LRRTM3: variants seen among roughly 807,000 people sequenced by gnomAD.
LRRTM3 encodes leucine-rich repeat transmembrane neuronal protein 3.
In LRRTM3, 24 loss-of-function variants were observed where a neutral mutation model predicts 44.7. The observed-to-expected ratio is 0.54, with a 90% CI of 0.39 to 0.76. The LOEUF is 0.76. LRRTM3 is among the 30% of genes least tolerant of loss of function. LRRTM3 has a pLI of 0.00. For synonymous variants in LRRTM3, 277 were observed against 278.7 expected, an observed-to-expected ratio of 0.99 and a Z score of 0.06; for missense variants, 587 against 702.2, an observed-to-expected ratio of 0.84 and a Z score of 1.85.
intron 2 of LRRTM3, among the ~76,000 whole-genome samples, chr10:67,026,043 A>G (rs1056156508): frequency 2.7e-4 from 40 of 148,424 alleles, no homozygotes; most frequent in Non-Finnish European, 4.6e-4. Flanking sequence ...TCATTCATAG[A>G]TGGGAATTGA....
rs1229271119 is a variant in LRRTM3 at position 66,927,439 on chromosome 10, C to A, written c.523C>A (p.Arg175=). The A allele has an allele frequency of 1.9e-6, 3 of 1,613,976 alleles. No homozygotes were observed. Among genetic ancestry groups the A allele is most frequent in the East Asian group, 2.2e-5 (1 of 44,882 alleles). The part of the protein sequence containing the change: ...RSNSLRTIPV[R]IFQDCRNLEL... ...TAACTCCCTGAGAACCATCCCTGTG[C>A]GAATATTCCAAGACTGCCGCAACCT... The change falls in exon 2 of 3, where the codon CGA becomes AGA. Residue 175 remains arginine (R), a synonymous_variant. Coordinates refer to ENST00000361320, the MANE Select transcript of LRRTM3 (RefSeq NM_178011.5). This position sits in a 1 kb window ranked among gnomAD's most constrained non-coding sequence, Gnocchi z 4.7.
chr10:67,034,905 C>T (rs1853949361), intron 2 of LRRTM3, among the ~76,000 whole-genome samples: 1 of 152,196 alleles, frequency 6.6e-6, no homozygotes, highest in Non-Finnish European at 1.5e-5. Context: ...GTTGACATAT[C>T]TCTTGGCAAT....
intron 2 of LRRTM3, among the ~76,000 whole-genome samples, chr10:66,952,457 G>A (rs975962325): frequency 2.0e-5 from 3 of 152,168 alleles, no homozygotes; most frequent in Non-Finnish European, 4.4e-5. Flanking sequence ...CCTTGGAGAC[G>A]ATTCAGGGTA....
rs1005845022 is a variant in LRRTM3, at chr10:66,928,050, G to A, written c.1134G>A (p.Pro378=). ...ATCTGGCCAGGGCTCTCCCAAAGCC[G>A]ACGTTTAAGCCCAAGCTCCCCAGGC... ...RFDLARALPK[P]TFKPKLPRPK... The change falls in exon 2 of 3, where the codon CCG becomes CCA. Residue 378 remains proline, a synonymous_variant. Coordinates refer to ENST00000361320, the MANE Select transcript of LRRTM3 (RefSeq NM_178011.5). 1 of 1,614,042 alleles carries A rather than the reference G, an allele frequency of 6.2e-7. No individual in the cohort carries two copies. The highest frequency in any genetic ancestry group is 8.5e-7 in the Non-Finnish European group (1 of 1,180,022).
In LRRTM3 at chr10:66,927,011, G is replaced by A. The variant is rs267602548; in HGVS notation, c.95G>A (p.Arg32Gln). ...CTGACAATGCTTTCTTCTGCCGAAC[G>A]AGGATGCCCTAAGGGCTGTAGGTGT... ...VLLTMLSSAE[R>Q]GCPKGCRCEG... The change falls in exon 2 of 3, where the codon CGA becomes CAA. Residue 32 changes from arginine to glutamine, a missense_variant. Arg to Gln is a conservative substitution (Grantham distance 43). This residue lies in a region of LRRTM3 where 50 missense variants were observed against 43.4 expected (regional missense o/e 1.15). Coordinates refer to ENST00000361320, the MANE Select transcript of LRRTM3 (RefSeq NM_178011.5). The surrounding 1 kb of genome is among the most constrained non-coding windows in gnomAD (Gnocchi z 4.7). 3.7e-6 allele frequency: 6 copies of A among 1,613,990 alleles called. No individual in the cohort carries two copies. The highest frequency in any genetic ancestry group is 5.1e-6 in the Non-Finnish European group (6 of 1,180,042).
At position 66,949,106 on chromosome 10, in the gene LRRTM3, CTAAAG is replaced by C; in HGVS notation, c.1536+20657_1536+20661del. On this transcript the variant is annotated intron_variant, in intron 2 of 2. Transcript: ENST00000361320. ...TTTATAATCTGCATTGATAACATTC[CTAAAG>C]TATTCAATGGAGCCATTCAGCAATA... Among the ~76,000 whole-genome samples the C allele has an allele frequency of 2.6e-5, 4 of 152,212 alleles. No homozygotes were observed. The Middle Eastern group carries it at 0.014, about 518-fold the overall frequency.
chr10:67,057,133 T>C (rs1413633132), intron 2 of LRRTM3, among the ~76,000 whole-genome samples: 2 of 152,210 alleles, frequency 1.3e-5, no homozygotes, highest in South Asian at 2.1e-4. Context: ...GGAAATCTTC[T>C]TTTTCACTTT....
At chr10:67,022,754 A>C (rs1327507557) in intron 2 of LRRTM3, among the ~76,000 whole-genome samples, 3 of 151,940 alleles carry the variant, frequency 2.0e-5, no homozygotes, top group Admixed American at 6.6e-5. Flanking sequence ...TGACTAACAC[A>C]GTGAAACCCT....
intron 2 of LRRTM3, among the ~76,000 whole-genome samples, chr10:67,044,004 T>C (rs1854570240): frequency 6.7e-6 from 1 of 149,622 alleles, no homozygotes; most frequent in Non-Finnish European, 1.5e-5. Context: ...TGATACACTG[T>C]GTGATGCTGA....
intron 2 of LRRTM3, among the ~76,000 whole-genome samples, chr10:66,985,582 A>C (rs555804188): frequency 2.6e-5 from 4 of 152,166 alleles, no homozygotes; most frequent in Non-Finnish European, 5.9e-5. Flanking sequence ...GACCAACGAC[A>C]GAGTCCATAA....
intron 2 of LRRTM3, among the ~76,000 whole-genome samples, chr10:67,012,002 G>T (rs1454859512): frequency 6.6e-6 from 1 of 152,036 alleles, no homozygotes; most frequent in Non-Finnish European, 1.5e-5. Context: ...AACTCTATAG[G>T]CATTATCTTT....
intron 2 of LRRTM3, among the ~76,000 whole-genome samples, chr10:66,973,460 C>A (rs528281223): frequency 6.6e-6 from 1 of 152,250 alleles, no homozygotes; most frequent in Non-Finnish European, 1.5e-5. Context: ...GCATTAATTT[C>A]ATAGTAACTA....
chr10:67,072,279 A>C (rs1856507643), intron 2 of LRRTM3, among the ~76,000 whole-genome samples: 1 of 152,058 alleles, frequency 6.6e-6, no homozygotes, highest in Non-Finnish European at 1.5e-5. Context: ...TATGTGTCCC[A>C]CTTCTCCAAT....
intron 2 of LRRTM3, among the ~76,000 whole-genome samples, chr10:66,989,116 T>A (rs1850895806): frequency 6.6e-6 from 1 of 152,212 alleles, no homozygotes. Context: ...TTTACTTTGA[T>A]GGCTCTTGTC....
chr10:66,995,752 C>T (rs2132954175), intron 2 of LRRTM3, among the ~76,000 whole-genome samples: 1 of 152,250 alleles, frequency 6.6e-6, no homozygotes, highest in South Asian at 2.1e-4. Context: ...TTCAAATCTT[C>T]TCCCCTACTT....
chr10:67,038,716 A>T (rs942786), intron 2 of LRRTM3, among the ~76,000 whole-genome samples: 151,504 of 152,194 alleles, frequency 1, 75,410 homozygotes, highest in East Asian at 1. Context: ...CAGGGTTAAC[A>T]GTCCAAAATC....
intron 2 of LRRTM3, among the ~76,000 whole-genome samples, chr10:66,960,145 C>G (rs1849037641): frequency 6.6e-6 from 1 of 152,136 alleles, no homozygotes. Flanking sequence ...TCTCTGCCTT[C>G]TCTCTCTGCA....
At chr10:67,029,049 A>G (rs1029362654) in intron 2 of LRRTM3, among the ~76,000 whole-genome samples, 3 of 152,106 alleles carry the variant, frequency 2.0e-5, no homozygotes, top group African/African-American at 4.8e-5. Context: ...CTAGCCCAGG[A>G]GTATATGTGG....
Position 67,081,750 on chromosome 10 carries a change from T to C in LRRTM3, c.1537-15837T>C, listed in dbSNP as rs1050878305. On this transcript the variant is annotated intron_variant, in intron 2 of 2. Transcript: ENST00000361320. Reference sequence around the variant, plus strand: ...GCACTTCTGCCTAGAACAGTCTTCCTACTTTTCTCTGAATGAGTTCCTTGT... The same window carrying C: ...GCACTTCTGCCTAGAACAGTCTTCCCACTTTTCTCTGAATGAGTTCCTTGT... 7.9e-5 allele frequency among the ~76,000 whole-genome samples: 12 copies of C among 152,214 alleles called. 1 individual carries two copies. Among genetic ancestry groups the C allele is most frequent in the African/African-American group, 2.2e-4 (9 of 41,452 alleles).
Sources: gnomAD v4.1 joint callset for allele counts (sites outside exome capture counted in the v4.1 genomes callset) on GRCh38, gnomAD v4.1.1 for gene constraint, gnomAD v4.1.1 regional missense constraint, Gnocchi (gnomAD v3.1) non-coding constraint, MANE v1.5 for transcripts, NCBI Gene and HGNC (gene_info 2026-07-23, HGNC 2026-07-21) for gene names.